PLEKHA7: variants seen among roughly 807,000 people sequenced by gnomAD.
PLEKHA7 encodes the protein pleckstrin homology domain containing A7.
A neutral mutation model predicts 170.0 loss-of-function variants in PLEKHA7; 104 were observed. That is an observed-to-expected ratio of 0.61 (90% CI 0.52 to 0.72). The LOEUF (loss-of-function observed/expected upper bound fraction) is 0.72. Among genes scored for constraint, PLEKHA7 ranks in the 30% least tolerant of loss-of-function variants. PLEKHA7 has a pLI of 0.00. For synonymous variants in PLEKHA7, 648 were observed against 660.8 expected, an observed-to-expected ratio of 0.98 and a Z score of 0.30; for missense variants, 1,615 against 1,671.7, an observed-to-expected ratio of 0.97 and a Z score of 0.59.
chr11:16,987,022 G>A (rs955346662), intron 3 of PLEKHA7, among the ~76,000 whole-genome samples: 1 of 152,178 alleles, frequency 6.6e-6, no homozygotes, highest in Non-Finnish European at 1.5e-5. Context: ...AAGGCGGAGA[G>A]GAAGCAGTGA....
At chr11:16,855,106 C>T (rs1853326588) in intron 5 of PLEKHA7, 113 bp from the exon 6 acceptor site, 1 of 802,176 alleles carries the variant, frequency 1.2e-6, no homozygotes, top group Non-Finnish European at 2.1e-6. Context: ...ATGGCAGCAC[C>T]CTTTGATCAA....
In PLEKHA7 at chr11:16,778,827, T is replaced by C. The variant is rs1225203134; in HGVS notation, c.*171A>G. Reference sequence around the variant, plus strand: ...GAGGAGTCTGAGCTAAACTAGTGGGTGCATATTAGGGCCTGGCCTGTGGTG... The same window carrying C: ...GAGGAGTCTGAGCTAAACTAGTGGGCGCATATTAGGGCCTGGCCTGTGGTG... On this transcript the variant is annotated 3_prime_UTR_variant, in exon 27 of 27. Transcript: ENST00000531066. 3 of 642,676 alleles carry C rather than the reference T, an allele frequency of 4.7e-6. No individual in the cohort carries two copies. The East Asian group carries it at 8.2e-5, about 18-fold the overall frequency. 39.8% of individuals were successfully genotyped at this position (642,676 alleles called of 1,614,324 possible).
intron 3 of PLEKHA7, among the ~76,000 whole-genome samples, chr11:16,969,723 A>G (rs1218202911): frequency 6.6e-6 from 1 of 152,180 alleles, no homozygotes; most frequent in Non-Finnish European, 1.5e-5. Flanking sequence ...TTGACAAAAG[A>G]GTTAGCAGAC....
chr11:16,789,481 T>C lies in PLEKHA7; in HGVS notation c.3157-185A>G, dbSNP rs1390276847. ...CACGATGCCCCCAACCCTCAGGAGC[T>C]TTCTGAGTAGCACCCATTCTGCAGA... is the stretch of plus-strand genomic sequence containing the variant. On this transcript the variant is annotated intron_variant, in intron 22 of 26. Coordinates refer to ENST00000531066, the MANE Select transcript of PLEKHA7 (RefSeq NM_001329630.2). This position sits in a 1 kb window ranked among gnomAD's most constrained non-coding sequence, Gnocchi z 4.6. 1 of 644,766 alleles carries C rather than the reference T, an allele frequency of 1.6e-6. No individual in the cohort carries two copies. The highest frequency in any genetic ancestry group is 2.7e-6 in the Non-Finnish European group (1 of 374,026). The allele number at this position is 644,766 out of a possible 1,614,324, so 39.9% of individuals were successfully genotyped here.
chr11:16,973,321 G>C (rs1276776259), intron 3 of PLEKHA7, among the ~76,000 whole-genome samples: 1 of 152,304 alleles, frequency 6.6e-6, no homozygotes, highest in African/African-American at 2.4e-5. Context: ...AGGTAAAGAG[G>C]TGATGTGGGG....
At chr11:16,779,829 G>A (rs975686460) in intron 26 of PLEKHA7, among the ~76,000 whole-genome samples, 2 of 152,196 alleles carry the variant, frequency 1.3e-5, no homozygotes, top group African/African-American at 2.4e-5. Flanking sequence ...GCTGCTCGGG[G>A]CGGCCCAGAT....
rs778257011 is a variant in PLEKHA7 at position 16,816,918 on chromosome 11, G to A, written c.1748C>T (p.Pro583Leu). 6.2e-6 allele frequency: 10 copies of A among 1,613,966 alleles called. No individual in the cohort carries two copies. The highest frequency in any genetic ancestry group is 8.5e-6 in the Non-Finnish European group (10 of 1,179,932). ...IPPPGPPRVF[P>L]PRRPHTPAER... ...TGCTGGTGTGTGTGGCCGCCGGGGT[G>A]GGAAGACCCTTGGGGGTCCTGGGGG... The change falls in exon 11 of 27, where the codon CCA becomes CTA. Residue 583 changes from proline (P) to leucine (L), a missense_variant. Transcript: ENST00000531066.
At position 16,839,364 on chromosome 11, in the gene PLEKHA7, G is replaced by A. The variant is rs190755847; in HGVS notation, c.872+2183C>T. Among the ~76,000 whole-genome samples the A allele has an allele frequency of 3.7e-3, 555 of 150,976 alleles. 3 individuals carry two copies. Among genetic ancestry groups the A allele is most frequent in the African/African-American group, 0.013 (517 of 41,302 alleles). On this transcript the variant is annotated intron_variant, in intron 9 of 26. Coordinates refer to ENST00000531066, the MANE Select transcript of PLEKHA7 (RefSeq NM_001329630.2). ...TGGGAAGGTGATTTGGGATATCTTC[G>A]TCTTACAGTTTTTGCATTTTTATAT... is the stretch of plus-strand genomic sequence containing the variant.
At chr11:16,866,688 G>T (rs1590392405) in intron 4 of PLEKHA7, among the ~76,000 whole-genome samples, 3 of 152,172 alleles carry the variant, frequency 2.0e-5, no homozygotes, top group East Asian at 3.9e-4. Context: ...TTTAAATCAT[G>T]AAGATTTTGT....
chr11:16,868,138 G>A (rs1233228880), intron 4 of PLEKHA7, among the ~76,000 whole-genome samples: 1 of 152,062 alleles, frequency 6.6e-6, no homozygotes, highest in African/African-American at 2.4e-5. Context: ...GGCCTTCTGT[G>A]GTCCCTAAGC....
chr11:16,832,942 A>C (rs996621833), intron 9 of PLEKHA7, among the ~76,000 whole-genome samples: 8 of 152,176 alleles, frequency 5.3e-5, no homozygotes, highest in Non-Finnish European at 1.2e-4. Context: ...GCCAGAACCC[A>C]CTCTGGGCAT....
chr11:16,841,806 C>T (rs1472052875), intron 8 of PLEKHA7, 84 bp from the exon 9 acceptor site: 3 of 1,364,486 alleles, frequency 2.2e-6, no homozygotes, highest in Non-Finnish European at 3.0e-6. Flanking sequence ...GGCACTATGG[C>T]CCTTCTAGTC....
At chr11:16,926,728 AGAT>A (rs1859572964) in intron 3 of PLEKHA7, among the ~76,000 whole-genome samples, 1 of 152,196 alleles carries the variant, frequency 6.6e-6, no homozygotes, top group South Asian at 2.1e-4. Flanking sequence ...TCACAGGTGG[AGAT>A]GATTAGGCAG....
intron 3 of PLEKHA7, among the ~76,000 whole-genome samples, chr11:16,991,594 AGGCT>A (rs1864046637): frequency 1.3e-5 from 2 of 152,180 alleles, no homozygotes; most frequent in African/African-American, 4.8e-5. Context: ...CAAAGGCCCT[AGGCT>A]GGCTGCACTT....
chr11:16,911,635 T>C (rs952145596), intron 3 of PLEKHA7, among the ~76,000 whole-genome samples: 1 of 152,122 alleles, frequency 6.6e-6, no homozygotes, highest in Admixed American at 6.6e-5. Context: ...CTGGCAGAAG[T>C]GAGGTCTCGG....
chr11:16,853,332 C>T (rs747995274), intron 6 of PLEKHA7, among the ~76,000 whole-genome samples: 1 of 152,194 alleles, frequency 6.6e-6, no homozygotes, highest in Non-Finnish European at 1.5e-5. Context: ...TACTAAAATG[C>T]TAAAAGCAAA....
intron 3 of PLEKHA7, among the ~76,000 whole-genome samples, chr11:16,901,917 G>A (rs1237817225): frequency 1.3e-5 from 2 of 152,100 alleles, no homozygotes; most frequent in African/African-American, 4.8e-5. Flanking sequence ...TTAGTATACT[G>A]AGAGTTATAC....
chr11:16,842,653 A>C (rs1590303633), intron 8 of PLEKHA7: 2 of 152,036 alleles, frequency 1.3e-5, no homozygotes, highest in Middle Eastern at 6.8e-3. Flanking sequence ...CTGAAAAATG[A>C]CTGGGAAGAT....
chr11:16,907,275 C>T (rs1449875353), intron 3 of PLEKHA7, among the ~76,000 whole-genome samples: 1 of 144,662 alleles, frequency 6.9e-6, no homozygotes, highest in Non-Finnish European at 1.5e-5. Context: ...GTCAGCCCCC[C>T]GCCCGGCCAG....
Sources: allele counts gnomAD v4.1 joint callset (sites outside exome capture counted in the v4.1 genomes callset), GRCh38; gene constraint gnomAD v4.1.1; non-coding constraint Gnocchi (gnomAD v3.1); transcripts MANE v1.5; gene names NCBI Gene and HGNC (gene_info 2026-07-23, HGNC 2026-07-21).